The following GPR89B variants were observed in gnomAD, a reference collection of about 807,000 sequenced individuals.
The protein encoded by GPR89B is G protein-coupled receptor 89B.
GPR89B carries 25 observed loss-of-function variants against 52.4 expected under a neutral mutation model. The ratio of observed to expected loss-of-function variants is 0.48; its 90% CI spans 0.35 to 0.67. GPR89B has a LOEUF of 0.67. Among genes scored for constraint, GPR89B ranks in the 30% least tolerant of loss-of-function variants. The probability of loss-of-function intolerance (pLI) is 0.01; values close to 1 mark genes in which losing one functional copy is unlikely to be tolerated. For missense variants in GPR89B, 146 were observed against 450.2 expected, an observed-to-expected ratio of 0.32 and a Z score of 6.11; for synonymous variants, 52 against 151.2, an observed-to-expected ratio of 0.34 and a Z score of 4.81.
chr1:147,947,032 T>A (rs587739063), intron 5 of GPR89B, among the ~76,000 whole-genome samples: 1 of 152,084 alleles, frequency 6.6e-6, no homozygotes, highest in African/African-American at 2.4e-5. Context: ...TGTTTATTGC[T>A]GTGGTGACCA....
chr1:147,957,821 T>G (rs1486219831), intron 7 of GPR89B, among the ~76,000 whole-genome samples: 4 of 151,986 alleles, frequency 2.6e-5, no homozygotes, highest in Non-Finnish European at 5.9e-5. Context: ...TCCCAGCACT[T>G]TGGGAGGCCG....
chr1:148,015,293 A>ATCTCCCTC, the GPR89B span, among the ~76,000 whole-genome samples: 863 of 69,840 alleles, frequency 0.012, 15 homozygotes, highest in South Asian at 0.018. Context: ...GGATTCTAGG[A>ATCTCCCTC]TCTCTCTCTC....
intron 12 of GPR89B, among the ~76,000 whole-genome samples, chr1:147,991,616 A>G (rs1406105877): frequency 2.6e-5 from 4 of 152,144 alleles, no homozygotes; most frequent in African/African-American, 9.7e-5. Context: ...ATTTCGAGAT[A>G]CGTCCCATCA....
chr1:148,013,189 A>G, the GPR89B span, among the ~76,000 whole-genome samples: 2 of 152,214 alleles, frequency 1.3e-5, no homozygotes, highest in East Asian at 1.9e-4. Flanking sequence ...GAAGATAGGC[A>G]TTCAAGGGAC....
chr1:147,971,550 C>T (rs1342674302), intron 10 of GPR89B, among the ~76,000 whole-genome samples: 4 of 146,600 alleles, frequency 2.7e-5, no homozygotes, highest in Admixed American at 2.1e-4. Flanking sequence ...TCTCGGCTCA[C>T]TGCAACCCCT....
intron 10 of GPR89B, among the ~76,000 whole-genome samples, chr1:147,983,556 G>A (rs1165246565): frequency 3.9e-5 from 6 of 152,140 alleles, no homozygotes; most frequent in South Asian, 4.1e-4. Context: ...CATTTATGAC[G>A]CCAAAAAACA....
At chr1:147,935,131 A>G (rs1424475385) in intron 1 of GPR89B, among the ~76,000 whole-genome samples, 1 of 152,214 alleles carries the variant, frequency 6.6e-6, no homozygotes, top group African/African-American at 2.4e-5. Flanking sequence ...AAAAAGAGCA[A>G]TTTATCTGCA....
chr1:148,013,172 AC>A, the GPR89B span, among the ~76,000 whole-genome samples: 2 of 152,070 alleles, frequency 1.3e-5, no homozygotes, highest in African/African-American at 4.8e-5. Context: ...GTTTGGAGGC[AC>A]AAAAGGAAGA....
chr1:147,968,725 T>A, intron 8 of GPR89B, 150 bp from the exon 9 acceptor site: 2 of 1,249,252 alleles, frequency 1.6e-6, no homozygotes, highest in Non-Finnish European at 1.2e-6. Context: ...AAAGTTGCTC[T>A]GAAGTAGTGT....
intron 10 of GPR89B, among the ~76,000 whole-genome samples, chr1:147,979,758 T>C (rs1405307494): frequency 7.2e-5 from 11 of 152,038 alleles, no homozygotes; most frequent in Admixed American, 1.3e-4. Context: ...ATCATTTTTC[T>C]ATTTTGTTAG....
At chr1:148,004,428 G>A in the GPR89B span, among the ~76,000 whole-genome samples, 5 of 148,468 alleles carry the variant, frequency 3.4e-5, no homozygotes, top group South Asian at 1.1e-3. Flanking sequence ...GCCTCCCAAA[G>A]TGCTGGGATT....
the GPR89B span, among the ~76,000 whole-genome samples, chr1:148,000,597 T>C: frequency 1.7e-4 from 26 of 149,482 alleles, no homozygotes; most frequent in East Asian, 4.3e-3. Flanking sequence ...GCCTAAGATA[T>C]CACCACCCAT....
At chr1:147,943,810 C>G (rs587680937) in intron 4 of GPR89B, among the ~76,000 whole-genome samples, 187 bp from the exon 5 acceptor site, 10 of 152,228 alleles carry the variant, frequency 6.6e-5, no homozygotes, top group African/African-American at 2.2e-4. Context: ...TCATCCCACA[C>G]CTTAAATTCA....
chr1:147,970,541 A>ATCTCTCTCTCTCTATC (rs1657377649), intron 10 of GPR89B, among the ~76,000 whole-genome samples: 1 of 94,590 alleles, frequency 1.1e-5, no homozygotes, highest in Non-Finnish European at 2.2e-5. Flanking sequence ...CTCTATCTCT[A>ATCTCTCTCTCTCTATC]TCTCTCTCTC....
intron 7 of GPR89B, among the ~76,000 whole-genome samples, chr1:147,955,114 G>T (rs1656016510): frequency 6.6e-6 from 1 of 151,830 alleles, no homozygotes; most frequent in Non-Finnish European, 1.5e-5. Context: ...TGCTTCTGTT[G>T]AGTTCACTGT....
At chr1:147,940,584 C>T (rs1553248766) in intron 3 of GPR89B, among the ~76,000 whole-genome samples, 1 of 152,116 alleles carries the variant, frequency 6.6e-6, no homozygotes, top group East Asian at 1.9e-4. Flanking sequence ...TGTAAAGGGC[C>T]AGATAGTAAA....
chr1:147,999,358 C>T, the GPR89B span, among the ~76,000 whole-genome samples: 8 of 151,150 alleles, frequency 5.3e-5, no homozygotes, highest in Non-Finnish European at 1.5e-5. Flanking sequence ...CCTGTAATCC[C>T]AGCACTTTGG....
intron 7 of GPR89B, among the ~76,000 whole-genome samples, chr1:147,957,554 C>T (rs1571269162): frequency 1.3e-5 from 2 of 152,006 alleles, no homozygotes; most frequent in Non-Finnish European, 2.9e-5. Context: ...AGACACTGTA[C>T]TAGATGCTAG....
the GPR89B span, among the ~76,000 whole-genome samples, chr1:147,999,331 G>A: frequency 1.3e-5 from 2 of 151,468 alleles, no homozygotes; most frequent in South Asian, 4.2e-4. Context: ...TGTGTGGCCC[G>A]GGCGTGTTGG....
Sources: allele counts gnomAD v4.1 joint callset (sites outside exome capture counted in the v4.1 genomes callset), GRCh38; gene constraint gnomAD v4.1.1; transcripts MANE v1.5; gene names NCBI Gene and HGNC (gene_info 2026-07-23, HGNC 2026-07-21).